Variants in DPYD observed in about 807,000 individuals in gnomAD.
DPYD encodes dihydropyrimidine dehydrogenase [NADP(+)].
DPYD carries 109 observed loss-of-function variants against 116.2 expected under a neutral mutation model. That is an observed-to-expected ratio of 0.94 (90% CI 0.80 to 1.10). The LOEUF (loss-of-function observed/expected upper bound fraction) is 1.10. Among genes scored for constraint, DPYD ranks in the 50% least tolerant of loss-of-function variants. The pLI is 0.00. For missense variants in DPYD, 1,302 were observed against 1,254.5 expected, an observed-to-expected ratio of 1.04 and a Z score of -0.57; for synonymous variants, 440 against 432.0, an observed-to-expected ratio of 1.02 and a Z score of -0.23.
At chr1:97,715,160 G>GA (rs1198554109) in intron 5 of DPYD, among the ~76,000 whole-genome samples, 3 of 152,038 alleles carry the variant, frequency 2.0e-5, no homozygotes, top group African/African-American at 4.8e-5. Context: ...TCCAAAATGG[G>GA]AAAAAAATTA....
At position 97,699,343 on chromosome 1, in the gene DPYD, G is replaced by A. The variant is rs1661465871; in HGVS notation, c.680+8C>T. On this transcript the variant is annotated splice_region_variant and intron_variant, in intron 6 of 22. Coordinates refer to ENST00000370192, the MANE Select transcript of DPYD (RefSeq NM_000110.4). ...ACACTATAAACATGAAATAAATGTA[G>A]GCATTACCTTAAACCACCAACATAT... is the stretch of plus-strand genomic sequence containing the variant. 6.2e-7 allele frequency: 1 copy of A among 1,611,242 alleles called. No individual in the cohort carries two copies. The highest frequency in any genetic ancestry group is 2.2e-5 in the East Asian group (1 of 44,850).
At chr1:97,576,375 T>C (rs1653262408) in intron 10 of DPYD, among the ~76,000 whole-genome samples, 1 of 152,214 alleles carries the variant, frequency 6.6e-6, no homozygotes, top group Non-Finnish European at 1.5e-5. Context: ...AACTATGCTG[T>C]ACCTATTGGG....
intron 6 of DPYD, among the ~76,000 whole-genome samples, chr1:97,694,274 G>C (rs1359453811): frequency 6.6e-6 from 1 of 152,194 alleles, no homozygotes; most frequent in East Asian, 1.9e-4. Flanking sequence ...GGGGTAGGTG[G>C]AAATTACTGA....
intron 12 of DPYD, among the ~76,000 whole-genome samples, chr1:97,522,445 G>T (rs560481381): frequency 6.6e-6 from 1 of 152,090 alleles, no homozygotes; most frequent in South Asian, 2.1e-4. Flanking sequence ...CATGTATGTC[G>T]GGCGTGGTGG....
intron 14 of DPYD, among the ~76,000 whole-genome samples, chr1:97,439,436 C>T (rs1248555603): frequency 6.6e-6 from 1 of 152,076 alleles, no homozygotes; most frequent in Non-Finnish European, 1.5e-5. Context: ...CTTGAATAAG[C>T]TTTTATAGTT....
At chr1:97,710,451 C>T (rs1662218518) in intron 5 of DPYD, among the ~76,000 whole-genome samples, 1 of 151,760 alleles carries the variant, frequency 6.6e-6, no homozygotes, top group South Asian at 2.1e-4. Context: ...AGACCAGGAA[C>T]ACCAAAAGTG....
chr1:97,527,093 T>C (rs1259667905), intron 12 of DPYD, among the ~76,000 whole-genome samples: 1 of 152,068 alleles, frequency 6.6e-6, no homozygotes, highest in South Asian at 2.1e-4. Flanking sequence ...TTTTCTTTTT[T>C]TTTGAGACGG....
intron 20 of DPYD, among the ~76,000 whole-genome samples, chr1:97,186,101 T>C (rs11584924): frequency 0.17 from 25,815 of 152,168 alleles, 2,652 homozygotes; most frequent in Middle Eastern, 0.27. Context: ...CTGTTGACAT[T>C]TACACATTTC....
chr1:97,780,440 T>C (rs1355559397), intron 3 of DPYD, among the ~76,000 whole-genome samples: 1 of 152,160 alleles, frequency 6.6e-6, no homozygotes, highest in Non-Finnish European at 1.5e-5. Context: ...CACAATAACA[T>C]AATGCTTAGT....
chr1:97,885,644 A>T (rs1427237337), intron 1 of DPYD, among the ~76,000 whole-genome samples: 3 of 152,100 alleles, frequency 2.0e-5, no homozygotes, highest in African/African-American at 4.8e-5. Context: ...TATGTAACTT[A>T]ACTTACAAAC....
chr1:97,417,243 T>A (rs1216648856), intron 14 of DPYD, among the ~76,000 whole-genome samples: 1 of 152,182 alleles, frequency 6.6e-6, no homozygotes, highest in Non-Finnish European at 1.5e-5. Flanking sequence ...TAATAAGAGT[T>A]GTCTTAGTGA....
chr1:97,603,109 TTAATCCC>T (rs1655367567), intron 8 of DPYD, among the ~76,000 whole-genome samples: 2 of 152,040 alleles, frequency 1.3e-5, no homozygotes, highest in Admixed American at 1.3e-4. Context: ...TCCTTAAATT[TTAATCCC>T]CGCATTGTGA....
At chr1:97,793,288 T>G (rs932439526) in intron 3 of DPYD, among the ~76,000 whole-genome samples, 39 of 152,314 alleles carry the variant, frequency 2.6e-4, no homozygotes, top group African/African-American at 9.4e-4. Context: ...GTGATTCACC[T>G]CAAATTGATA....
chr1:97,552,437 A>G (rs1245377180), intron 11 of DPYD, among the ~76,000 whole-genome samples: 1 of 152,092 alleles, frequency 6.6e-6, no homozygotes, highest in Non-Finnish European at 1.5e-5. Flanking sequence ...TGAGTTTAAT[A>G]AGTAACTTTA....
chr1:97,759,355 C>A lies in DPYD; in HGVS notation c.234-18876G>T, dbSNP rs1052306051. Among the ~76,000 whole-genome samples, 25 of 152,136 alleles carry A rather than the reference C, an allele frequency of 1.6e-4. 2 individuals are homozygous for A. Among genetic ancestry groups the A allele is most frequent in the Admixed American group, 9.8e-4 (15 of 15,244 alleles). On this transcript the variant is annotated intron_variant, in intron 3 of 22. Coordinates refer to ENST00000370192, the MANE Select transcript of DPYD (RefSeq NM_000110.4). The stretch of plus-strand genomic sequence containing the variant: ...TTAATGCTTCTTAAAATTGCTAAAA[C>A]CTTGGCTTTTGAGTCTTTACTGCCC...
chr1:97,579,854 C>G (rs1653518329), intron 10 of DPYD, among the ~76,000 whole-genome samples: 1 of 152,132 alleles, frequency 6.6e-6, no homozygotes, highest in Non-Finnish European at 1.5e-5. Context: ...TTGTCACTTT[C>G]TTTTTACACA....
intron 18 of DPYD, chr1:97,295,320 C>T (rs1478535273): frequency 6.6e-6 from 1 of 151,080 alleles, no homozygotes; most frequent in African/African-American, 2.4e-5. Flanking sequence ...GCCAGTGCTG[C>T]TGAGGAATGC....
intron 16 of DPYD, among the ~76,000 whole-genome samples, chr1:97,307,072 G>A (rs1033883163): frequency 2.6e-5 from 4 of 151,744 alleles, no homozygotes; most frequent in African/African-American, 9.7e-5. Context: ...TCATTTAGAG[G>A]GCAAACACCT....
intron 18 of DPYD, among the ~76,000 whole-genome samples, chr1:97,241,436 G>A (rs776452363): frequency 6.6e-6 from 1 of 151,928 alleles, no homozygotes; most frequent in African/African-American, 2.4e-5. Context: ...AGGAAGAGAA[G>A]CTCAAGCTGA....
Sources: allele counts gnomAD v4.1 joint callset (sites outside exome capture counted in the v4.1 genomes callset), GRCh38; gene constraint gnomAD v4.1.1; transcripts MANE v1.5; gene names NCBI Gene and HGNC (gene_info 2026-07-23, HGNC 2026-07-21).